The following RALGDS variants were observed in gnomAD, a reference collection of about 807,000 sequenced individuals.
The protein encoded by RALGDS is ral guanine nucleotide exchange factor.
Under a neutral mutation model 99.8 loss-of-function variants are expected in RALGDS, and 44 were observed. That is an observed-to-expected ratio of 0.44 (90% CI 0.35 to 0.57). RALGDS has a LOEUF of 0.57. Ranked by LOEUF, RALGDS falls within the 20% of genes least tolerant of loss-of-function variation. RALGDS has a pLI of 0.01. For missense variants in RALGDS, 1,022 were observed against 1,203.1 expected, an observed-to-expected ratio of 0.85 and a Z score of 2.23; for synonymous variants, 529 against 505.0, an observed-to-expected ratio of 1.05 and a Z score of -0.64.
At position 133,100,335 on chromosome 9, in the gene RALGDS, G is replaced by C. The variant is rs767493229; in HGVS notation, c.2502C>G (p.Asp834Glu). 5.0e-6 allele frequency: 8 copies of C among 1,614,106 alleles called. No individual in the cohort carries two copies. In the African/African-American group the frequency reaches 1.1e-4, roughly 22 times the overall value. ...KAPAVIRKAM[D>E]KHNLEEEEPE... ...GCTCCTCCTCCTCCAGGTTGTGTTT[G>C]TCCATGGCCTTGCGGATTACAGCCG... Residue 834 changes from aspartate (D) to glutamate (E), a missense_variant, in exon 17 of 18, where the codon GAC (aspartate) becomes GAG (glutamate). Coordinates refer to ENST00000372050, the MANE Select transcript of RALGDS (RefSeq NM_006266.4).
At chr9:133,100,853 G>A in intron 16 of RALGDS, 1 of 1,063,762 alleles carries the variant, frequency 9.4e-7, no homozygotes, top group Non-Finnish European at 1.1e-6. Flanking sequence ...CTCGGACATA[G>A]GGCCACAGGT....
Position 133,106,756 on chromosome 9 carries a change from G to A in RALGDS, c.1414-8C>T, listed in dbSNP as rs190238332. 7,956 of 1,593,414 alleles carry A rather than the reference G, an allele frequency of 5.0e-3. 25 individuals carry two copies. Among genetic ancestry groups the A allele is most frequent in the Non-Finnish European group, 6.1e-3 (7,048 of 1,163,846 alleles). ...CTTGAGGATCCGGCACTCCTGGGGCGGGAAGAGCAGGAGGCATGAGGTGGG... is the reference window on the plus strand; with the variant it reads ...CTTGAGGATCCGGCACTCCTGGGGCAGGAAGAGCAGGAGGCATGAGGTGGG... On this transcript the variant is annotated splice_polypyrimidine_tract_variant and splice_region_variant and intron_variant, in intron 7 of 17. Coordinates refer to ENST00000372050, the MANE Select transcript of RALGDS (RefSeq NM_006266.4).
rs1442096582 is a variant in RALGDS at position 133,144,323 on chromosome 9, GC to G, written c.18+4639del. 1.3e-5 allele frequency among the ~76,000 whole-genome samples: 2 copies of G among 151,782 alleles called. No individual in the cohort carries two copies. The highest frequency in any genetic ancestry group is 4.8e-5 in the African/African-American group (2 of 41,276). ...ATCCCTCCTCCCTGCCTTCCTTTCC[GC>G]CCCGCTGACACCACGGTCTGCAAAC... On this transcript the variant is annotated intron_variant, in intron 1 of 17. Coordinates refer to the RALGDS transcript ENST00000393160. The surrounding 1 kb of genome is among the most constrained non-coding windows in gnomAD (Gnocchi z 4.5).
intron 16 of RALGDS, chr9:133,100,663 C>T: frequency 7.6e-7 from 1 of 1,321,796 alleles, no homozygotes; most frequent in African/African-American, 1.5e-5. Context: ...TCCCTCCTCC[C>T]ACACTTCCTT....
At chr9:133,115,667 C>T (rs1427486545) in intron 1 of RALGDS, among the ~76,000 whole-genome samples, 2 of 152,194 alleles carry the variant, frequency 1.3e-5, no homozygotes, top group East Asian at 1.9e-4. Context: ...GCACACAGCT[C>T]GGTGACCGGC....
intron 2 of RALGDS, among the ~76,000 whole-genome samples, chr9:133,110,745 G>A (rs1831300427): frequency 1.3e-5 from 2 of 152,200 alleles, no homozygotes; most frequent in Admixed American, 6.5e-5. Flanking sequence ...GGGCAACAAA[G>A]TGAAATCCCC....
chr9:133,145,214 G>A lies in RALGDS; in HGVS notation c.18+3749C>T, dbSNP rs542821779. Among the ~76,000 whole-genome samples, 23 of 152,262 alleles carry A rather than the reference G, an allele frequency of 1.5e-4. No individual in the cohort carries two copies. In the East Asian group the frequency reaches 4.1e-3, roughly 27 times the overall value. ...TGACAGCAGCCCAGGAAGCTGACCC[G>A]ATAGACACTGGTCCCAGTCATCACC... is the stretch of plus-strand genomic sequence containing the variant. On this transcript the variant is annotated intron_variant, in intron 1 of 17. Transcript: ENST00000393160.
chr9:133,103,371 C>T, intron 11 of RALGDS, 109 bp from the exon 12 acceptor site: 1 of 1,388,490 alleles, frequency 7.2e-7, no homozygotes, highest in South Asian at 1.2e-5. Flanking sequence ...AGGGCACGCA[C>T]ACCCCTGGAT....
intron 1 of RALGDS, among the ~76,000 whole-genome samples, chr9:133,141,315 A>C (rs1832517057): frequency 6.6e-6 from 1 of 151,904 alleles, no homozygotes; most frequent in East Asian, 1.9e-4. Flanking sequence ...CTACTGCCCC[A>C]CCCTCTCCCA....
rs749196193 is a variant in RALGDS, at chr9:133,101,924, G to A, written c.2211+14C>T. 4.5e-6 allele frequency: 7 copies of A among 1,551,036 alleles called. No individual in the cohort carries two copies. The Middle Eastern group carries it at 6.7e-4, about 148-fold the overall frequency. On this transcript the variant is annotated intron_variant, in intron 15 of 17. Coordinates refer to ENST00000372050, the MANE Select transcript of RALGDS (RefSeq NM_006266.4). ...AGATGGGAAAGGATATTGGGGAGAA[G>A]GGCAGGCAGTCACCTTCTTTTCCTG...
At chr9:133,136,501 T>C (rs1386713137) in intron 1 of RALGDS, among the ~76,000 whole-genome samples, 1 of 151,070 alleles carries the variant, frequency 6.6e-6, no homozygotes, top group Non-Finnish European at 1.5e-5. Context: ...CTAGCTCGGG[T>C]GCGGTGGCTC....
At chr9:133,128,415 G>A (rs1019939980) in intron 1 of RALGDS, among the ~76,000 whole-genome samples, 4 of 151,760 alleles carry the variant, frequency 2.6e-5, no homozygotes, top group African/African-American at 9.7e-5. Flanking sequence ...AAGCCCAGGG[G>A]CCCTGATCAC....
chr9:133,098,818 A>G, intron 17 of RALGDS, 56 bp from the exon 18 acceptor site: 1 of 1,559,294 alleles, frequency 6.4e-7, no homozygotes, highest in Middle Eastern at 1.7e-4. Flanking sequence ...CCTGCAGGAT[A>G]CCCCTACCGC....
chr9:133,100,011 A>G, intron 17 of RALGDS: 1 of 556,018 alleles, frequency 1.8e-6, no homozygotes. Context: ...TCCCAGTGAA[A>G]AATGCCTTTT....
chr9:133,105,872 CGCCCCAGCCCCCGCCCCA>C (rs1831019310), intron 9 of RALGDS, 42 bp downstream of exon 9: 2 of 27,494 alleles, frequency 7.3e-5, no homozygotes, highest in Non-Finnish European at 6.4e-5. Context: ...CCCCAGCCCC[CGCCCCAGCCCCCGCCCCA>C]GCCCCCGCCC....
At chr9:133,118,120 G>A (rs1378517014) in intron 1 of RALGDS, among the ~76,000 whole-genome samples, 1 of 152,192 alleles carries the variant, frequency 6.6e-6, no homozygotes, top group African/African-American at 2.4e-5. Flanking sequence ...CCCGAGTAGA[G>A]CAAGAGGGGA....
upstream of RALGDS, among the ~76,000 whole-genome samples, chr9:133,132,178 C>T (rs977027976): frequency 2.6e-5 from 4 of 152,230 alleles, no homozygotes; most frequent in African/African-American, 9.6e-5. Flanking sequence ...GATGTAGAAG[C>T]ACACACAGAT....
intron 16 of RALGDS, chr9:133,101,233 C>A: frequency 7.7e-7 from 1 of 1,296,346 alleles, no homozygotes; most frequent in Non-Finnish European, 9.9e-7. Flanking sequence ...CCTGGCAGGG[C>A]TCAGGGCCTA....
At chr9:133,108,976 C>T in intron 4 of RALGDS, 110 bp from the exon 5 acceptor site, 1 of 1,100,780 alleles carries the variant, frequency 9.1e-7, no homozygotes, top group South Asian at 1.4e-5. Context: ...CGGCCCAAGC[C>T]CCCTTGGCTG....
Sources: gnomAD v4.1 joint callset for allele counts (sites outside exome capture counted in the v4.1 genomes callset) on GRCh38, gnomAD v4.1.1 for gene constraint, Gnocchi (gnomAD v3.1) non-coding constraint, MANE v1.5 for transcripts, NCBI Gene and HGNC (gene_info 2026-07-23, HGNC 2026-07-21) for gene names.